Variants in REPS2 observed in about 807,000 individuals in gnomAD.
The protein encoded by REPS2 is RALBP1 associated Eps domain containing 2.
REPS2 carries 23 observed loss-of-function variants against 53.6 expected under a neutral mutation model. That is an observed-to-expected ratio of 0.43 (90% CI 0.31 to 0.61). The LOEUF is 0.61. Among genes scored for constraint, REPS2 ranks in the 20% least tolerant of loss-of-function variants. The pLI is 0.11. For missense variants in REPS2, 446 were observed against 534.9 expected, an observed-to-expected ratio of 0.83 and a Z score of 1.64; for synonymous variants, 238 against 218.6, an observed-to-expected ratio of 1.09 and a Z score of -0.78.
chrX:17,002,822 C>T (rs2147790219), intron 1 of REPS2, among the ~76,000 whole-genome samples: 1 of 111,833 alleles, frequency 8.9e-6, no homozygotes, highest in Admixed American at 9.5e-5. Flanking sequence ...GGATGCCTTT[C>T]CTTATGCCTT....
intron 6 of REPS2, among the ~76,000 whole-genome samples, chrX:17,048,930 C>G (rs2061943414): frequency 8.9e-6 from 1 of 112,085 alleles, no homozygotes; most frequent in African/African-American, 3.2e-5. Context: ...GAGTCTTGCT[C>G]TGTCGCCCAG....
chrX:17,055,039 C>T, intron 8 of REPS2, 89 bp downstream of exon 8: 1 of 886,544 alleles, frequency 1.1e-6, no homozygotes, highest in Non-Finnish European at 1.6e-6. Context: ...TAATGATTGC[C>T]ATTCTAACTG....
chrX:16,977,797 G>A (rs1326178796), intron 1 of REPS2, among the ~76,000 whole-genome samples: 1 of 110,103 alleles, frequency 9.1e-6, no homozygotes, highest in East Asian at 2.8e-4. Flanking sequence ...GCCCACCCCA[G>A]AATTTAGTGG....
chrX:17,033,172 G>A (rs2061728171), intron 5 of REPS2, among the ~76,000 whole-genome samples: 1 of 111,784 alleles, frequency 8.9e-6, no homozygotes, highest in Non-Finnish European at 1.9e-5. Context: ...TTAAGCCGTT[G>A]TCTTTATTGT....
chrX:17,050,318 T>C (rs993632013), intron 6 of REPS2, among the ~76,000 whole-genome samples: 25 of 102,883 alleles, frequency 2.4e-4, no homozygotes, highest in Non-Finnish European at 7.8e-5. Flanking sequence ...GCCTCCCTAG[T>C]AGCTGGGACT....
chrX:16,964,487 C>T (rs1188353309), intron 1 of REPS2, among the ~76,000 whole-genome samples: 1 of 104,991 alleles, frequency 9.5e-6, no homozygotes. Context: ...CCTTTCCCCC[C>T]TTTCTATTCT....
chrX:17,072,095 C>A (rs1191093411), intron 11 of REPS2, among the ~76,000 whole-genome samples: 3 of 111,369 alleles, frequency 2.7e-5, no homozygotes, highest in Non-Finnish European at 5.7e-5. Context: ...CCAACTATCA[C>A]CCCATGTTTT....
the REPS2 span, among the ~76,000 whole-genome samples, chrX:17,176,429 G>C: frequency 3.6e-5 from 4 of 111,996 alleles, no homozygotes; most frequent in Non-Finnish European, 7.5e-5. Flanking sequence ...CCTGACCCTA[G>C]TGGGCCATTT....
At chrX:17,144,112 A>C (rs950729444) in intron 17 of REPS2, among the ~76,000 whole-genome samples, 8 of 112,418 alleles carry the variant, frequency 7.1e-5, no homozygotes, top group Non-Finnish European at 1.3e-4. Context: ...GTCTGGTTGG[A>C]GTGTCCAGAG....
At position 17,087,045 on chromosome X, in the gene REPS2, G is replaced by A. The variant is rs774562028; in HGVS notation, c.1516+9638G>A. ...AATGATCAGTGGATTTGTGGGCAGGGGGTGCACAGGGCTGGTGAGCTAAAC... is the reference window on the plus strand; with the variant it reads ...AATGATCAGTGGATTTGTGGGCAGGAGGTGCACAGGGCTGGTGAGCTAAAC... On this transcript the variant is annotated intron_variant, in intron 13 of 17. Transcript: ENST00000357277. Among the ~76,000 whole-genome samples the A allele has an allele frequency of 2.7e-5, 3 of 112,016 alleles. No individual in the cohort carries two copies. The South Asian group carries it at 1.1e-3, about 42-fold the overall frequency.
intron 1 of REPS2, among the ~76,000 whole-genome samples, chrX:16,970,283 G>A (rs1318799917): frequency 9.4e-6 from 1 of 105,912 alleles, no homozygotes; most frequent in Non-Finnish European, 1.9e-5. Context: ...TGCAACCTCC[G>A]CCCCCTGGGT....
At chrX:17,194,656 A>G in the REPS2 span, among the ~76,000 whole-genome samples, 1 of 111,944 alleles carries the variant, frequency 8.9e-6, no homozygotes, top group African/African-American at 3.2e-5. Context: ...ACTGTTTAAT[A>G]TCTTGAGTGT....
At chrX:17,170,864 G>A in the REPS2 span, among the ~76,000 whole-genome samples, 1 of 112,902 alleles carries the variant, frequency 8.9e-6, no homozygotes, top group East Asian at 2.8e-4. Context: ...TTGGCACTTT[G>A]GAGCTGTGGC....
At chrX:17,131,506 A>G (rs187510790) in intron 14 of REPS2, among the ~76,000 whole-genome samples, 1 of 111,890 alleles carries the variant, frequency 8.9e-6, no homozygotes, top group African/African-American at 3.3e-5. Flanking sequence ...TTGTGCTACA[A>G]TGTGTGTTTC....
chrX:17,112,362 C>T (rs1171662795), intron 14 of REPS2, among the ~76,000 whole-genome samples: 1 of 111,847 alleles, frequency 8.9e-6, no homozygotes, highest in Non-Finnish European at 1.9e-5. Context: ...AAAGCTTGAA[C>T]AATACCATGG....
intron 13 of REPS2, among the ~76,000 whole-genome samples, chrX:17,085,882 C>T (rs1044605377): frequency 5.4e-5 from 6 of 111,728 alleles, no homozygotes; most frequent in African/African-American, 9.7e-5. Flanking sequence ...ATACCTTTGT[C>T]ATACATAACA....
At chrX:17,176,666 T>C in the REPS2 span, among the ~76,000 whole-genome samples, 1 of 112,431 alleles carries the variant, frequency 8.9e-6, no homozygotes, top group Non-Finnish European at 1.9e-5. Context: ...AATTACCTTC[T>C]ACCAAATTTC....
chrX:17,180,209 G>T, the REPS2 span, among the ~76,000 whole-genome samples: 1 of 111,254 alleles, frequency 9.0e-6, no homozygotes, highest in East Asian at 2.8e-4. Flanking sequence ...TACATCTTTG[G>T]ATTGTTTCAC....
At chrX:17,040,174 A>G (rs762966284) in intron 5 of REPS2, among the ~76,000 whole-genome samples, 2 of 112,827 alleles carry the variant, frequency 1.8e-5, no homozygotes, top group Admixed American at 1.9e-4. Flanking sequence ...AAACCAAATT[A>G]TTTATTGCAA....
Sources: allele counts gnomAD v4.1 joint callset (sites outside exome capture counted in the v4.1 genomes callset), GRCh38; gene constraint gnomAD v4.1.1; transcripts MANE v1.5; gene names NCBI Gene and HGNC (gene_info 2026-07-23, HGNC 2026-07-21).